SFTPA2: variants seen among roughly 807,000 people sequenced by gnomAD.
SFTPA2 encodes the protein surfactant protein A2.
In SFTPA2, 21 loss-of-function variants were observed where a neutral mutation model predicts 20.3. The observed-to-expected ratio is 1.03, with a 90% CI of 0.73 to 1.49. The LOEUF is 1.49. Ranked by LOEUF, SFTPA2 falls within the 40% of genes most tolerant of loss-of-function variation. SFTPA2 has a pLI of 0.00. For synonymous variants in SFTPA2, 116 were observed against 118.7 expected (o/e 0.98, Z 0.15); for missense variants, 302 against 314.8 (o/e 0.96, Z 0.31).
rs1858826545 is a variant in SFTPA2, at chr10:79,557,083, C to T, written c.*126G>A. ...GGAATGAAGTGGCTAAGGGTGCCTC[C>T]AGCTCTAATAGCCACAAGTGAATTC... On this transcript the variant is annotated 3_prime_UTR_variant, in exon 6 of 6. Transcript: ENST00000372325. The T allele has an allele frequency of 1.3e-6, 2 of 1,536,138 alleles. No individual in the cohort carries two copies. Among genetic ancestry groups the T allele is most frequent in the Non-Finnish European group, 1.8e-6 (2 of 1,126,896 alleles).
chr10:79,559,222 T>C (rs1859024737), intron 3 of SFTPA2, 90 bp downstream of exon 3: 1 of 1,589,562 alleles, frequency 6.3e-7, no homozygotes, highest in East Asian at 2.3e-5. Context: ...CCCAGCTCAC[T>C]ATGGCCCACA....
chr10:79,560,137 C>T, intron 1 of SFTPA2, 139 bp from the exon 2 acceptor site: 1 of 510,110 alleles, frequency 2.0e-6, no homozygotes, highest in Non-Finnish European at 2.6e-6. Context: ...CTGCTTAGGC[C>T]CTGCTGAGTC....
chr10:79,558,396 C>T (rs1470736653), intron 4 of SFTPA2, among the ~76,000 whole-genome samples: 2 of 151,532 alleles, frequency 1.3e-5, no homozygotes, highest in Non-Finnish European at 2.9e-5. Flanking sequence ...GTTCTGTCTG[C>T]CCGCCTCTGT....
intron 5 of SFTPA2, 56 bp from the exon 6 acceptor site, chr10:79,557,641 C>T (rs1858870160): frequency 3.7e-6 from 6 of 1,606,512 alleles, no homozygotes; most frequent in Admixed American, 1.7e-5. Context: ...TAAGCCACCT[C>T]CCTCACCTAG....
At position 79,556,350 on chromosome 10, in the gene SFTPA2, A is replaced by C. The variant is rs1858777212; in HGVS notation, c.*859T>G. ...CACATCCTAAGACCTGGCACATGTT[A>C]ATTTTAATGATTATCTGGGTGAATG... On this transcript the variant is annotated 3_prime_UTR_variant, in exon 6 of 6. Coordinates refer to ENST00000372325, the MANE Select transcript of SFTPA2 (RefSeq NM_001098668.4). 1 of 166,640 alleles carries C rather than the reference A, an allele frequency of 6.0e-6. No homozygotes were observed. 10.3% of individuals were successfully genotyped at this position (166,640 alleles called of 1,614,324 possible). A position where few individuals can be genotyped will look rare whatever the true frequency, so the allele number is the denominator to read the frequency against.
chr10:79,559,550 C>T (rs1015355022), intron 2 of SFTPA2, 44 bp from the exon 3 acceptor site: 8 of 1,608,000 alleles, frequency 5.0e-6, no homozygotes, highest in Non-Finnish European at 6.8e-6. Context: ...CCTCTGCCAA[C>T]ATCTCCCCCA....
Position 79,557,472 on chromosome 10 carries a change from T to A in SFTPA2, c.484A>T (p.Ile162Phe), listed in dbSNP as rs1350194428. ...QEACARAGGR[I>F]AVPRNPEENE... ...TCCTCTGGATTCCTTGGGACAGCAA[T>A]GCGGCCGCCTGCTCTGGCACATGCC... The change falls in exon 6 of 6, where the codon ATT becomes TTT. Residue 162 changes from isoleucine (I) to phenylalanine (F), a missense_variant. Physicochemically the swap from Ile to Phe is conservative, Grantham distance 21 (BLOSUM62 0). Around this residue, in one of 3 missense-constraint regions of SFTPA2, gnomAD observed 264 missense variants for 261.7 expected, o/e 1.01. Coordinates refer to ENST00000372325, the MANE Select transcript of SFTPA2 (RefSeq NM_001098668.4). 6.2e-7 allele frequency: 1 copy of A among 1,613,648 alleles called. No individual in the cohort carries two copies. The highest frequency in any genetic ancestry group is 1.1e-5 in the South Asian group (1 of 91,044).
At chr10:79,559,046 C>G in intron 3 of SFTPA2, 41 bp from the exon 4 acceptor site, 1 of 1,614,144 alleles carries the variant, frequency 6.2e-7, no homozygotes, top group Non-Finnish European at 8.5e-7. Flanking sequence ...ATCTGTCACC[C>G]ACAACTGGTT....
Position 79,559,629 on chromosome 10 carries a change from G to A in SFTPA2, c.-23-123C>T, listed in dbSNP as rs778283262. 6 of 1,573,462 alleles carry A rather than the reference G, an allele frequency of 3.8e-6. No homozygotes were observed. In the Admixed American group the frequency reaches 1.1e-4, roughly 30 times the overall value. On this transcript the variant is annotated intron_variant, in intron 2 of 5. Transcript: ENST00000372325. ...GCAGGGCGGGCGAGACCAGAGTGCT[G>A]GGAAGACCCGAAGCACCCGGGAAAA...
At chr10:79,559,164 G>A in intron 3 of SFTPA2, 148 bp downstream of exon 3, 2 of 1,372,548 alleles carry the variant, frequency 1.5e-6, no homozygotes, top group Non-Finnish European at 1.0e-6. Flanking sequence ...AGGGCCCCAG[G>A]AACCCACCAC....
rs751986431 is a variant in SFTPA2 at position 79,559,487 on chromosome 10, T to C, written c.-4A>G. 2.5e-6 allele frequency: 4 copies of C among 1,610,570 alleles called. No homozygotes were observed. The highest frequency in any genetic ancestry group is 2.5e-6 in the Non-Finnish European group (3 of 1,177,320). ...GGGCCAGAGGGCACAGCCACATGGCTCTGGGTCCAGTCGCTGCTCCTGCCG... is the reference window on the plus strand; with the variant it reads ...GGGCCAGAGGGCACAGCCACATGGCCCTGGGTCCAGTCGCTGCTCCTGCCG... On this transcript the variant is annotated 5_prime_UTR_variant, in exon 3 of 6. Transcript: ENST00000372325.
At chr10:79,557,656 T>C in intron 5 of SFTPA2, 71 bp from the exon 6 acceptor site, 9 of 1,603,372 alleles carry the variant, frequency 5.6e-6, no homozygotes, top group Non-Finnish European at 6.8e-6. Flanking sequence ...ACCTAGGGTC[T>C]CTGCTACCAG....
chr10:79,559,108 C>T lies in SFTPA2; in HGVS notation c.173-103G>A, dbSNP rs144296860. 2.5e-5 allele frequency: 41 copies of T among 1,611,048 alleles called. No homozygotes were observed. The African/African-American group carries it at 4.5e-4, about 18-fold the overall frequency. The stretch of plus-strand genomic sequence containing the variant: ...ATCACCGGGGCTGGCTCAGCTATCA[C>T]TCCGTGGGCACTATGAGGACAGACT... On this transcript the variant is annotated intron_variant, in intron 3 of 5. Coordinates refer to ENST00000372325, the MANE Select transcript of SFTPA2 (RefSeq NM_001098668.4).
At chr10:79,560,159 T>C (rs2132070425) in intron 1 of SFTPA2, 161 bp from the exon 2 acceptor site, 1 of 325,800 alleles carries the variant, frequency 3.1e-6, no homozygotes, top group East Asian at 1.5e-4. Flanking sequence ...CTGGTAGGGA[T>C]GGATCTGGCC....
chr10:79,558,744 C>G (rs1274963938), intron 4 of SFTPA2, 142 bp downstream of exon 4: 1 of 1,464,044 alleles, frequency 6.8e-7, no homozygotes, highest in African/African-American at 1.4e-5. Flanking sequence ...CTTTCTCCCT[C>G]AAATTCATAT....
At chr10:79,559,781 C>T in intron 2 of SFTPA2, 188 bp downstream of exon 2, 1 of 1,467,888 alleles carries the variant, frequency 6.8e-7, no homozygotes, top group Non-Finnish European at 9.1e-7. Flanking sequence ...GACCTGGGCT[C>T]CAGTGCAGTC....
At chr10:79,559,558 C>T (rs919883618) in intron 2 of SFTPA2, 52 bp from the exon 3 acceptor site, 8 of 1,606,576 alleles carry the variant, frequency 5.0e-6, no homozygotes, top group Non-Finnish European at 5.1e-6. Context: ...AACATCTCCC[C>T]CACTGTGCTC....
At position 79,558,799 on chromosome 10, in the gene SFTPA2, G is replaced by A. The variant is rs537559098; in HGVS notation, c.292+87C>T. Reference sequence around the variant, plus strand: ...CAAATGCCCTTGGGGAACCTGCAGGGTTTGTCTGACCCCCATCACCCCTGT... The same window carrying A: ...CAAATGCCCTTGGGGAACCTGCAGGATTTGTCTGACCCCCATCACCCCTGT... On this transcript the variant is annotated intron_variant, in intron 4 of 5. Transcript: ENST00000372325. The A allele has an allele frequency of 4.3e-6, 7 of 1,609,816 alleles. No homozygotes were observed. The South Asian group carries it at 4.4e-5, about 10-fold the overall frequency.
At chr10:79,557,705 C>G in intron 5 of SFTPA2, 120 bp from the exon 6 acceptor site, 2 of 1,242,006 alleles carry the variant, frequency 1.6e-6, no homozygotes, top group Non-Finnish European at 2.3e-6. Context: ...CTCTCTGTGT[C>G]TTCTCTTCCT....
Sources: allele counts gnomAD v4.1 joint callset (sites outside exome capture counted in the v4.1 genomes callset), GRCh38; gene constraint gnomAD v4.1.1; regional missense constraint gnomAD v4.1.1; transcripts MANE v1.5; gene names NCBI Gene and HGNC (gene_info 2026-07-23, HGNC 2026-07-21).